C12orf42: variants seen among roughly 807,000 people sequenced by gnomAD.
C12orf42 encodes the protein chromosome 12 open reading frame 42, also known as uncharacterized protein C12orf42.
In C12orf42, 25 loss-of-function variants were observed where a neutral mutation model predicts 21.6. That is an observed-to-expected ratio of 1.16 (90% confidence interval 0.84 to 1.62). C12orf42 has a LOEUF of 1.62. Among genes scored for constraint, C12orf42 ranks in the 40% most tolerant of loss-of-function variants. The pLI is 0.00. For missense variants in C12orf42, 483 were observed against 459.3 expected (o/e 1.05, Z -0.47); for synonymous variants, 174 against 175.0 (o/e 0.99, Z 0.05).
At chr12:103,371,337 C>A (rs1392356268) in intron 3 of C12orf42, among the ~76,000 whole-genome samples, 1 of 152,036 alleles carries the variant, frequency 6.6e-6, no homozygotes, top group African/African-American at 2.4e-5. Flanking sequence ...GAGGCAGAGA[C>A]GGAAGCTTAA....
chr12:103,150,588 GA>G, the C12orf42 span, among the ~76,000 whole-genome samples: 2 of 152,174 alleles, frequency 1.3e-5, no homozygotes, highest in African/African-American at 4.8e-5. Flanking sequence ...GAGGCAGAGT[GA>G]AGCAGAATCA....
At chr12:103,049,338 G>A in the C12orf42 span, among the ~76,000 whole-genome samples, 8 of 152,070 alleles carry the variant, frequency 5.3e-5, no homozygotes, top group African/African-American at 1.4e-4. Flanking sequence ...CCTCTTAAAC[G>A]CCACTGCTGA....
intron 2 of C12orf42, among the ~76,000 whole-genome samples, chr12:103,415,994 A>T (rs138390735): frequency 6.7e-6 from 1 of 149,836 alleles, no homozygotes; most frequent in Non-Finnish European, 1.5e-5. Context: ...TACATGATTT[A>T]GCAGGTGATT....
At chr12:103,122,413 T>C in the C12orf42 span, among the ~76,000 whole-genome samples, 17 of 142,508 alleles carry the variant, frequency 1.2e-4, no homozygotes, top group African/African-American at 3.2e-4. Flanking sequence ...CATTCATTCA[T>C]TTGACAAATA....
chr12:103,200,977 A>G, the C12orf42 span, among the ~76,000 whole-genome samples: 2 of 152,232 alleles, frequency 1.3e-5, no homozygotes, highest in Admixed American at 6.5e-5. Flanking sequence ...CAATTTCTGC[A>G]TCCTGCTGGT....
the C12orf42 span, among the ~76,000 whole-genome samples, chr12:103,079,630 C>A: frequency 1.3e-5 from 2 of 152,320 alleles, no homozygotes; most frequent in South Asian, 4.1e-4. Context: ...AAACAACATG[C>A]ACATTTCTGT....
the C12orf42 span, among the ~76,000 whole-genome samples, chr12:103,153,019 CA>C: frequency 6.6e-6 from 1 of 151,968 alleles, no homozygotes. Context: ...TATGGGAATG[CA>C]AAAAGTCCAA....
intron 4 of C12orf42, among the ~76,000 whole-genome samples, chr12:103,290,632 A>T (rs1003561961): frequency 1.3e-5 from 2 of 152,210 alleles, no homozygotes; most frequent in African/African-American, 4.8e-5. Context: ...GAGGGGACTT[A>T]CCCCAAGAGG....
chr12:103,531,621 A>G, the C12orf42 span, among the ~76,000 whole-genome samples: 1 of 152,232 alleles, frequency 6.6e-6, no homozygotes, highest in African/African-American at 2.4e-5. Context: ...CATTTTGGGT[A>G]AGAGAATATT....
At chr12:103,506,495 C>A in the C12orf42 span, among the ~76,000 whole-genome samples, 1 of 151,648 alleles carries the variant, frequency 6.6e-6, no homozygotes, top group South Asian at 2.1e-4. Flanking sequence ...TGTACGTTTT[C>A]TTTGTTTAGA....
intron 2 of C12orf42, among the ~76,000 whole-genome samples, chr12:103,465,720 GA>G (rs1953071249): frequency 6.6e-6 from 1 of 152,176 alleles, no homozygotes; most frequent in Non-Finnish European, 1.5e-5. Context: ...CATTCAGTAT[GA>G]TATTGGCTGT....
At chr12:103,144,291 A>G in the C12orf42 span, among the ~76,000 whole-genome samples, 134 of 152,058 alleles carry the variant, frequency 8.8e-4, no homozygotes, top group African/African-American at 3.0e-3. Context: ...AAAAGAAGTC[A>G]GAGGAAAAAG....
At chr12:103,409,774 A>C (rs2048695746) in intron 2 of C12orf42, among the ~76,000 whole-genome samples, 1 of 152,136 alleles carries the variant, frequency 6.6e-6, no homozygotes, top group Admixed American at 6.5e-5. Context: ...CAGTTCCTTG[A>C]CTTTAAAATA....
At chr12:103,447,862 A>T (rs888457783) in intron 2 of C12orf42, among the ~76,000 whole-genome samples, 2 of 152,084 alleles carry the variant, frequency 1.3e-5, no homozygotes, top group African/African-American at 2.4e-5. Flanking sequence ...GAAAACGACC[A>T]TACTGCCAAA....
At chr12:103,335,348 C>T (rs2041600332) in intron 4 of C12orf42, among the ~76,000 whole-genome samples, 1 of 152,176 alleles carries the variant, frequency 6.6e-6, no homozygotes, top group Non-Finnish European at 1.5e-5. Flanking sequence ...ATGTAGGATG[C>T]TTTTAGCATA....
chr12:103,420,543 G>T (rs2049794026), intron 2 of C12orf42, among the ~76,000 whole-genome samples: 1 of 151,940 alleles, frequency 6.6e-6, no homozygotes, highest in Non-Finnish European at 1.5e-5. Context: ...CTCAAACTTT[G>T]CATGTTTCAT....
chr12:103,163,674 A>G, the C12orf42 span, among the ~76,000 whole-genome samples: 1 of 152,202 alleles, frequency 6.6e-6, no homozygotes, highest in East Asian at 1.9e-4. Context: ...TATTTTTAAT[A>G]CTACAGGCCT....
At chr12:103,212,097 ATATT>A in the C12orf42 span, among the ~76,000 whole-genome samples, 2 of 152,164 alleles carry the variant, frequency 1.3e-5, no homozygotes, top group African/African-American at 4.8e-5. Context: ...ATAAGGTTTA[ATATT>A]TATTACCTAT....
intron 2 of C12orf42, among the ~76,000 whole-genome samples, chr12:103,465,282 T>C (rs1244268163): frequency 1.3e-5 from 2 of 152,218 alleles, no homozygotes; most frequent in Non-Finnish European, 2.9e-5. Context: ...CCTTAAGCAG[T>C]GGTTTGTACT....
Sources: gnomAD v4.1 joint callset for allele counts (sites outside exome capture counted in the v4.1 genomes callset) on GRCh38, gnomAD v4.1.1 for gene constraint, MANE v1.5 for transcripts, NCBI Gene and HGNC (gene_info 2026-07-23, HGNC 2026-07-21) for gene names.